ARMC6: variants seen among roughly 807,000 people sequenced by gnomAD.
The protein encoded by ARMC6 is armadillo repeat containing 6, also known as armadillo repeat-containing protein 6.
Under a neutral mutation model 49.2 loss-of-function variants are expected in ARMC6, and 43 were observed. The observed-to-expected ratio is 0.87, with a 90% CI of 0.69 to 1.13. The LOEUF is 1.13. Ranked by LOEUF, ARMC6 falls within the 50% of genes most tolerant of loss-of-function variation. ARMC6 has a pLI of 0.00. For synonymous variants in ARMC6, 262 were observed against 289.6 expected, an observed-to-expected ratio of 0.90 and a Z score of 0.97; for missense variants, 627 against 682.0, an observed-to-expected ratio of 0.92 and a Z score of 0.90.
At chr19:19,052,269 C>T (rs2059504442) in intron 5 of ARMC6, 74 bp downstream of exon 5, 3 of 1,380,970 alleles carry the variant, frequency 2.2e-6, no homozygotes. Context: ...AGGGTCAGGG[C>T]TCAGGACTGC....
intron 5 of ARMC6, among the ~76,000 whole-genome samples, chr19:19,053,120 C>T (rs2145875890): frequency 6.6e-6 from 1 of 152,316 alleles, no homozygotes; most frequent in East Asian, 1.9e-4. Flanking sequence ...CGGGGAAACA[C>T]CTCAGTTTCC....
chr19:19,043,707 T>C (rs1433330297), intron 3 of ARMC6, among the ~76,000 whole-genome samples: 1 of 152,116 alleles, frequency 6.6e-6, no homozygotes, highest in Admixed American at 6.5e-5. Flanking sequence ...CCAGGCAGCA[T>C]GTGGCACCTC....
Position 19,055,550 on chromosome 19 carries a change from A to G in ARMC6, c.1155+154A>G, listed in dbSNP as rs745753966. Among the ~76,000 whole-genome samples, 1 of 152,114 alleles carries G rather than the reference A, an allele frequency of 6.6e-6. No individual in the cohort carries two copies. Among genetic ancestry groups the G allele is most frequent in the Non-Finnish European group, 1.5e-5 (1 of 68,016 alleles). ...CTCTCAAATGCTGACCTGCGTATGC[A>G]TGACTTTGGGTGTCCTGGAGTTACC... On this transcript the variant is annotated intron_variant, in intron 7 of 8. Transcript: ENST00000535612. This position sits in a 1 kb window ranked among gnomAD's most constrained non-coding sequence, Gnocchi z 5.7.
At chr19:19,052,267 G>T in intron 5 of ARMC6, 72 bp downstream of exon 5, 1 of 1,393,800 alleles carries the variant, frequency 7.2e-7, no homozygotes, top group African/African-American at 1.4e-5. Context: ...TGAGGGTCAG[G>T]GCTCAGGACT....
intron 2 of ARMC6, among the ~76,000 whole-genome samples, chr19:19,038,257 A>C (rs1355407654): frequency 6.6e-6 from 1 of 152,222 alleles, no homozygotes; most frequent in Non-Finnish European, 1.5e-5. Flanking sequence ...TAACAATAAT[A>C]GAAATAAAGT....
chr19:19,054,838 C>G (rs767235213), intron 6 of ARMC6, among the ~76,000 whole-genome samples: 1 of 152,208 alleles, frequency 6.6e-6, no homozygotes, highest in Non-Finnish European at 1.5e-5. Flanking sequence ...TGAATGGGAA[C>G]CAACTTCAGC....
intron 5 of ARMC6, among the ~76,000 whole-genome samples, chr19:19,052,399 C>T (rs919285359): frequency 2.0e-5 from 3 of 152,190 alleles, no homozygotes; most frequent in African/African-American, 7.2e-5. Context: ...CAGGCCAGCA[C>T]TCAGGGGCCA....
intron 2 of ARMC6, among the ~76,000 whole-genome samples, chr19:19,036,273 G>A (rs967055347): frequency 6.6e-6 from 1 of 152,110 alleles, no homozygotes; most frequent in Non-Finnish European, 1.5e-5. Flanking sequence ...TGTTGGTCAG[G>A]CTGGTCTCGA....
chr19:19,034,763 A>AT lies in ARMC6; in HGVS notation c.29+539dup, dbSNP rs374571780. Among the ~76,000 whole-genome samples the AT allele has an allele frequency of 0.01, 1,248 of 120,722 alleles. 46 individuals carry two copies. In the East Asian group the frequency reaches 0.12, roughly 11 times the overall value. The allele number at this position is 120,722 out of a possible 152,430, so 79.2% of individuals were successfully genotyped here. A position where few individuals can be genotyped will look rare whatever the true frequency, so the allele number is the denominator to read the frequency against. On this transcript the variant is annotated intron_variant, in intron 2 of 8. Transcript: ENST00000535612. ...AACACCGCACCTGGCTAAATTTTGT[A>AT]TTTTTTTTTTTTTTGAAACGGAGTC...
intron 5 of ARMC6, 108 bp downstream of exon 5, chr19:19,052,303 T>G: frequency 2.8e-6 from 3 of 1,062,864 alleles, no homozygotes; most frequent in Non-Finnish European, 4.0e-6. Flanking sequence ...GGCTCAAGGC[T>G]CCACTCGCCC....
At chr19:19,053,913 T>C (rs1050506141) in intron 5 of ARMC6, among the ~76,000 whole-genome samples, 3 of 152,014 alleles carry the variant, frequency 2.0e-5, no homozygotes, top group African/African-American at 7.2e-5. Context: ...TGGAATTTAT[T>C]TGGGGCATGA....
At chr19:19,050,727 A>G (rs767620351) in intron 4 of ARMC6, among the ~76,000 whole-genome samples, 2 of 152,218 alleles carry the variant, frequency 1.3e-5, no homozygotes, top group Non-Finnish European at 2.9e-5. Context: ...GCATTGTAAC[A>G]TATACTTAGG....
In ARMC6 at chr19:19,042,888, G is replaced by A. The variant is rs773243211; in HGVS notation, c.196+11G>A. The A allele has an allele frequency of 1.2e-6, 2 of 1,613,362 alleles. No individual in the cohort carries two copies. Among genetic ancestry groups the A allele is most frequent in the Non-Finnish European group, 1.7e-6 (2 of 1,179,898 alleles). On this transcript the variant is annotated intron_variant, in intron 3 of 8. Coordinates refer to ENST00000535612, the MANE Select transcript of ARMC6 (RefSeq NM_001199196.2). The stretch of plus-strand genomic sequence containing the variant: ...AGTTTGAATCGCAAGGTAGGGTGGT[G>A]TGACTGTCACCTACCATCCTTGGCT...
intron 2 of ARMC6, among the ~76,000 whole-genome samples, chr19:19,036,967 C>T (rs532247354): frequency 7.2e-4 from 109 of 152,010 alleles, no homozygotes; most frequent in Non-Finnish European, 1.3e-3. Context: ...AGGTGGGTCA[C>T]CTGAGGTCAG....
At chr19:19,040,478 G>A (rs796624442) in intron 2 of ARMC6, among the ~76,000 whole-genome samples, 2 of 152,008 alleles carry the variant, frequency 1.3e-5, no homozygotes, top group Non-Finnish European at 2.9e-5. Flanking sequence ...GTCTCGCTAC[G>A]TTGGCCAGGC....
At chr19:19,034,511 G>C (rs1015907688) in intron 2 of ARMC6, among the ~76,000 whole-genome samples, 18 of 152,192 alleles carry the variant, frequency 1.2e-4, no homozygotes, top group African/African-American at 3.9e-4. Context: ...GGGGAGGCTG[G>C]TGTTTGAACC....
Position 19,055,368 on chromosome 19 carries a change from C to T in ARMC6, c.1127C>T (p.Ala376Val), listed in dbSNP as rs776652102. 6.2e-7 allele frequency: 1 copy of T among 1,612,174 alleles called. No homozygotes were observed. Residue 376 changes from alanine (A) to valine (V), a missense_variant, in exon 7 of 9, where the codon GCT becomes GTT. By Grantham distance (64) the Ala-to-Val change is moderately conservative. Transcript: ENST00000535612. The surrounding 1 kb of genome is among the most constrained non-coding windows in gnomAD (Gnocchi z 5.7). ...GGTGGGACGGAGTCCATCGTGGCTG[C>T]TATGACCCAGCATCTGACCAGCCCC... ...RAGGTESIVA[A>V]MTQHLTSPQV...
At chr19:19,034,523 G>C (rs190321398) in intron 2 of ARMC6, among the ~76,000 whole-genome samples, 1 of 152,200 alleles carries the variant, frequency 6.6e-6, no homozygotes, top group Admixed American at 6.5e-5. Flanking sequence ...GTTTGAACCA[G>C]AGTGGGTGTG....
chr19:19,034,137 T>A lies in ARMC6; in HGVS notation c.-73T>A, dbSNP rs990640391. Reference sequence around the variant, plus strand: ...ATTTTATTTATTCATTCAGCACCTGTGCACTGAGTGCCTGCTGCGTGTCGG... The same window carrying A: ...ATTTTATTTATTCATTCAGCACCTGAGCACTGAGTGCCTGCTGCGTGTCGG... On this transcript the variant is annotated 5_prime_UTR_variant, in exon 2 of 9. Transcript: ENST00000535612. 8.2e-6 allele frequency: 8 copies of A among 974,210 alleles called. No individual in the cohort carries two copies. The highest frequency in any genetic ancestry group is 1.3e-5 in the Non-Finnish European group (8 of 622,470). 60.3% of individuals were successfully genotyped at this position (974,210 alleles called of 1,614,324 possible). A position where few individuals can be genotyped will look rare whatever the true frequency, so the allele number is the denominator to read the frequency against.
Sources: gnomAD v4.1 joint callset for allele counts (sites outside exome capture counted in the v4.1 genomes callset) on GRCh38, gnomAD v4.1.1 for gene constraint, Gnocchi (gnomAD v3.1) non-coding constraint, MANE v1.5 for transcripts, NCBI Gene and HGNC (gene_info 2026-07-23, HGNC 2026-07-21) for gene names.